ABCC1: variants seen among roughly 807,000 people sequenced by gnomAD.
ABCC1 encodes multidrug resistance-associated protein 1.
In ABCC1, 83 loss-of-function variants were observed where a neutral mutation model predicts 172.9. The observed-to-expected ratio is 0.48, with a 90% confidence interval of 0.40 to 0.58. The LOEUF (loss-of-function observed/expected upper bound fraction) is 0.58. Among genes scored for constraint, ABCC1 ranks in the 20% least tolerant of loss-of-function variants. ABCC1 has a pLI of 0.00. For missense variants in ABCC1, 1,817 were observed against 2,002.7 expected (o/e 0.91, Z 1.77); for synonymous variants, 937 against 825.2 (o/e 1.14, Z -2.32).
At chr16:16,008,054 G>A (rs1230081724) in intron 2 of ABCC1, 62 bp downstream of exon 2, 1 of 1,458,042 alleles carries the variant, frequency 6.9e-7, no homozygotes, top group South Asian at 1.3e-5. Context: ...GGGAGTGGTG[G>A]TTGGTGATAA....
intron 1 of ABCC1, among the ~76,000 whole-genome samples, chr16:15,985,446 CT>C (rs948663778): frequency 6.0e-5 from 9 of 149,712 alleles, no homozygotes; most frequent in African/African-American, 2.0e-4. Flanking sequence ...GTTTCTTTTT[CT>C]TTTTTTTTTC....
intron 1 of ABCC1, among the ~76,000 whole-genome samples, chr16:15,980,892 A>C (rs1451414270): frequency 6.6e-6 from 1 of 152,230 alleles, no homozygotes; most frequent in Non-Finnish European, 1.5e-5. Context: ...TGTAAAACTG[A>C]AAGCAAGTTA....
At chr16:16,069,850 C>G (rs918634585) in intron 13 of ABCC1, among the ~76,000 whole-genome samples, 6 of 152,122 alleles carry the variant, frequency 3.9e-5, no homozygotes, top group African/African-American at 1.4e-4. Flanking sequence ...ATGGGGAAAC[C>G]TTGTCTCTAC....
At chr16:16,070,214 A>G (rs2050287475) in intron 13 of ABCC1, among the ~76,000 whole-genome samples, 1 of 151,190 alleles carries the variant, frequency 6.6e-6, no homozygotes, top group Non-Finnish European at 1.5e-5. Context: ...CTTAATCTAC[A>G]AAAAATAACA....
At position 16,134,388 on chromosome 16, in the gene ABCC1, C is replaced by T. The variant is rs1596556431; in HGVS notation, c.4005C>T (p.Ser1335=). The T allele has an allele frequency of 1.2e-6, 2 of 1,614,036 alleles. No individual in the cohort carries two copies. The highest frequency in any genetic ancestry group is 1.1e-5 in the South Asian group (1 of 91,078). Residue 1335 remains serine (S), a synonymous_variant, in exon 28 of 31, where the codon TCC becomes TCT. Transcript: ENST00000399410. ...GGCGGACGGGAGCTGGGAAGTCGTC[C>T]CTGACCCTGGGCTTATTTCGGATCA... The part of the protein sequence containing the change: ...IVGRTGAGKS[S]LTLGLFRINE...
chr16:16,133,908 T>C (rs2045807432), intron 27 of ABCC1, among the ~76,000 whole-genome samples: 3 of 152,122 alleles, frequency 2.0e-5, no homozygotes, highest in African/African-American at 7.2e-5. Flanking sequence ...GACCAGGTCA[T>C]AGCAAAGGGC....
chr16:16,103,506 G>C (rs898767778), intron 20 of ABCC1, among the ~76,000 whole-genome samples: 1 of 152,198 alleles, frequency 6.6e-6, no homozygotes, highest in South Asian at 2.1e-4. Context: ...CTTGAACCCA[G>C]GAGGTGGAGG....
chr16:16,080,729 C>A (rs1213482942), intron 16 of ABCC1, among the ~76,000 whole-genome samples: 2 of 152,198 alleles, frequency 1.3e-5, no homozygotes, highest in Admixed American at 1.3e-4. Flanking sequence ...TCTGACAAGT[C>A]CTGCAAGGAG....
At chr16:16,026,642 G>A (rs1248877180) in intron 5 of ABCC1, among the ~76,000 whole-genome samples, 1 of 151,520 alleles carries the variant, frequency 6.6e-6, no homozygotes, top group African/African-American at 2.4e-5. Flanking sequence ...ATTGCTGGGC[G>A]CGGTGGGTCA....
chr16:16,033,239 A>G (rs1249985198), intron 6 of ABCC1, 69 bp downstream of exon 6: 1 of 1,467,378 alleles, frequency 6.8e-7, no homozygotes, highest in Non-Finnish European at 9.6e-7. Context: ...GAACGAATGA[A>G]CATGCTCAGC....
chr16:16,134,895 G>A (rs541956689), intron 28 of ABCC1, among the ~76,000 whole-genome samples: 21 of 152,096 alleles, frequency 1.4e-4, no homozygotes, highest in Non-Finnish European at 2.8e-4. Context: ...ACCCACCTTG[G>A]CCTCCAAAAG....
At chr16:16,132,591 A>G (rs1465646752) in intron 27 of ABCC1, among the ~76,000 whole-genome samples, 3 of 127,732 alleles carry the variant, frequency 2.3e-5, no homozygotes, top group Admixed American at 1.0e-4. Flanking sequence ...GCCCGATCTC[A>G]GCTCACTGCA....
At chr16:16,018,729 G>A (rs543179304) in intron 5 of ABCC1, among the ~76,000 whole-genome samples, 2 of 151,986 alleles carry the variant, frequency 1.3e-5, no homozygotes, top group South Asian at 4.2e-4. Flanking sequence ...GTAGTCATAG[G>A]CATGTATATG....
intron 1 of ABCC1, among the ~76,000 whole-genome samples, chr16:15,961,850 T>C (rs752697981): frequency 1.3e-5 from 2 of 151,988 alleles, no homozygotes; most frequent in Non-Finnish European, 2.9e-5. Flanking sequence ...CATTCCCCTC[T>C]TGGTGTCTAT....
chr16:16,103,567 G>A (rs533813646), intron 20 of ABCC1, among the ~76,000 whole-genome samples: 9 of 152,248 alleles, frequency 5.9e-5, no homozygotes, highest in Non-Finnish European at 8.8e-5. Context: ...GTGACAGAGC[G>A]AGACTCCATC....
chr16:16,082,747 A>G (rs1465906103), intron 16 of ABCC1, among the ~76,000 whole-genome samples: 1 of 152,212 alleles, frequency 6.6e-6, no homozygotes, highest in Admixed American at 6.5e-5. Flanking sequence ...TCCTGGGCTC[A>G]GGTGATCCTC....
rs568019614 is a variant in ABCC1, at chr16:16,010,004, T to C, written c.351+103T>C. 8.5e-5 allele frequency: 64 copies of C among 752,790 alleles called. No individual in the cohort carries two copies. In the East Asian group the frequency reaches 2.3e-3, roughly 27 times the overall value. The allele number at this position is 752,790 out of a possible 1,614,324, so 46.6% of individuals were successfully genotyped here. On this transcript the variant is annotated intron_variant, in intron 3 of 30. Transcript: ENST00000399410. The stretch of plus-strand genomic sequence containing the variant: ...GAATCATAGTTTTTTAAGGCAATGA[T>C]CAGCTGGAGCTGGGATATAAATTAA...
intron 1 of ABCC1, 23 bp from the exon 2 acceptor site, chr16:16,007,793 C>T: frequency 2.5e-6 from 4 of 1,597,798 alleles, no homozygotes; most frequent in Non-Finnish European, 3.4e-6. Flanking sequence ...CTGCTGACCC[C>T]TCGCCTGTGT....
At chr16:16,113,878 C>A (rs761214100) in intron 22 of ABCC1, among the ~76,000 whole-genome samples, 1 of 152,116 alleles carries the variant, frequency 6.6e-6, no homozygotes, top group African/African-American at 2.4e-5. Flanking sequence ...TCAGAAGAAG[C>A]GCACAGTCTA....
Sources: gnomAD v4.1 joint callset for allele counts (sites outside exome capture counted in the v4.1 genomes callset) on GRCh38, gnomAD v4.1.1 for gene constraint, MANE v1.5 for transcripts, NCBI Gene and HGNC (gene_info 2026-07-23, HGNC 2026-07-21) for gene names.